RIC3: variants seen among roughly 807,000 people sequenced by gnomAD.
The protein encoded by RIC3 is protein RIC-3.
In RIC3, 28 loss-of-function variants were observed where a neutral mutation model predicts 27.3. That is an observed-to-expected ratio of 1.02 (90% CI 0.76 to 1.41). The LOEUF (loss-of-function observed/expected upper bound fraction) is 1.41. Ranked by LOEUF, RIC3 falls within the 40% of genes most tolerant of loss-of-function variation. The pLI, the probability that RIC3 is intolerant of heterozygous loss-of-function variation, is 0.00. For synonymous variants in RIC3, 184 were observed against 160.4 expected (o/e 1.15, Z -1.11); for missense variants, 501 against 444.7 (o/e 1.13, Z -1.14).
intron 1 of RIC3, among the ~76,000 whole-genome samples, chr11:8,151,051 T>C (rs927974844): frequency 3.9e-5 from 6 of 152,278 alleles, no homozygotes; most frequent in South Asian, 4.1e-4. Context: ...CAGGAAAACA[T>C]AGACATAAAT....
rs773442695 is a variant in RIC3, at chr11:8,138,264, G to A, written c.427+8C>T. On this transcript the variant is annotated splice_region_variant and intron_variant, in intron 3 of 5. Transcript: ENST00000309737. ...ATACCTGTGAATATACTGAGAAGGGGCACTTACTAATTTTCCTGTGGGTGT... is the reference window on the plus strand; with the variant it reads ...ATACCTGTGAATATACTGAGAAGGGACACTTACTAATTTTCCTGTGGGTGT... 1.3e-6 allele frequency: 2 copies of A among 1,594,836 alleles called. No individual in the cohort carries two copies. The highest frequency in any genetic ancestry group is 2.2e-5 in the East Asian group (1 of 44,758).
At chr11:8,094,687 C>T in the RIC3 span, among the ~76,000 whole-genome samples, 1 of 152,342 alleles carries the variant, frequency 6.6e-6, no homozygotes, top group South Asian at 2.1e-4. Flanking sequence ...CCCTCTGCTC[C>T]TCTTTCTCCA....
intron 1 of RIC3, among the ~76,000 whole-genome samples, chr11:8,164,781 CAAAAAAAAAAAAAAAAA>C (rs199958835): frequency 3.6e-5 from 3 of 84,232 alleles, no homozygotes; most frequent in African/African-American, 1.1e-4. Flanking sequence ...CTGTCTCTCT[CAAAAAAAAAAAAAAAAA>C]AAAAAAAAAG....
intron 4 of RIC3, among the ~76,000 whole-genome samples, chr11:8,127,799 T>C (rs1947171461): frequency 6.6e-6 from 1 of 152,224 alleles, no homozygotes; most frequent in African/African-American, 2.4e-5. Flanking sequence ...CCTGTGGAGA[T>C]GGTCGTCTAT....
chr11:8,135,254 T>G (rs568657613), intron 4 of RIC3, among the ~76,000 whole-genome samples: 67 of 152,310 alleles, frequency 4.4e-4, no homozygotes, highest in South Asian at 1.5e-3. Context: ...TTTCCCCATT[T>G]CTTGTTTTTG....
chr11:8,097,791 G>T, the RIC3 span: 1 of 1,614,044 alleles, frequency 6.2e-7, no homozygotes. Flanking sequence ...CAACAGACTT[G>T]TCTCGAGGAG....
downstream of RIC3, chr11:8,103,760 G>A (rs939884150): frequency 2.6e-5 from 4 of 152,654 alleles, no homozygotes; most frequent in Non-Finnish European, 2.9e-5. Flanking sequence ...AAACTAGATC[G>A]TCTCTAATGT....
the RIC3 span, chr11:8,097,315 G>A: frequency 3.1e-6 from 5 of 1,614,096 alleles, no homozygotes; most frequent in South Asian, 1.1e-5. Flanking sequence ...ACTGAGGCCG[G>A]CCCCCCAGGG....
intron 1 of RIC3, among the ~76,000 whole-genome samples, chr11:8,146,630 G>A (rs1949707706): frequency 6.6e-6 from 1 of 151,426 alleles, no homozygotes; most frequent in Admixed American, 6.6e-5. Context: ...ACCCAAGGCG[G>A]TTAGGGTGCA....
At chr11:8,104,875 G>GT (rs1944473377), downstream of RIC3, 1 of 151,936 alleles carries the variant, frequency 6.6e-6, no homozygotes, top group South Asian at 2.1e-4. Flanking sequence ...GAGAACTTTC[G>GT]GAGCCTGCCT....
downstream of RIC3, chr11:8,105,142 A>T (rs1944495708): frequency 6.6e-6 from 1 of 152,220 alleles, no homozygotes; most frequent in Admixed American, 6.5e-5. Context: ...TTCATCTCCT[A>T]GATGGACTTC....
intron 1 of RIC3, among the ~76,000 whole-genome samples, chr11:8,157,255 G>T (rs1306899972): frequency 6.6e-6 from 1 of 152,096 alleles, no homozygotes; most frequent in Non-Finnish European, 1.5e-5. Context: ...TGAACGATGG[G>T]GCTGCTTTAT....
the RIC3 span, among the ~76,000 whole-genome samples, chr11:8,099,605 T>C: frequency 1.1e-4 from 17 of 152,210 alleles, no homozygotes; most frequent in Non-Finnish European, 2.1e-4. Context: ...CATAAATGTA[T>C]ACCTTTATGG....
chr11:8,146,906 A>G (rs1481668422), intron 1 of RIC3, among the ~76,000 whole-genome samples: 1 of 152,216 alleles, frequency 6.6e-6, no homozygotes, highest in Non-Finnish European at 1.5e-5. Flanking sequence ...AAGCTCTCAG[A>G]TAGCAGACTT....
At chr11:8,138,197 C>T in intron 3 of RIC3, 75 bp downstream of exon 3, 1 of 1,055,248 alleles carries the variant, frequency 9.5e-7, no homozygotes, top group South Asian at 1.3e-5. Context: ...TAAGACATAC[C>T]CACAGACTGT....
rs988384942 is a variant in RIC3, at chr11:8,131,882, C to G, written c.522-5075G>C. On this transcript the variant is annotated intron_variant, in intron 4 of 5. Transcript: ENST00000309737. ...CACCACAGCACTGCAGCCTGGGTGA[C>G]AGAGAGAGACTCCATCTCAAAAAAA... 3.8e-5 allele frequency among the ~76,000 whole-genome samples: 4 copies of G among 106,520 alleles called. No individual in the cohort carries two copies. In the Admixed American group the frequency reaches 4.6e-4, roughly 12 times the overall value. The allele number at this position is 106,520 out of a possible 152,430, so 69.9% of individuals were successfully genotyped here. A position where few individuals can be genotyped will look rare whatever the true frequency, so the allele number is the denominator to read the frequency against.
At chr11:8,098,859 T>G in the RIC3 span, 1 of 1,613,844 alleles carries the variant, frequency 6.2e-7, no homozygotes, top group East Asian at 2.2e-5. Context: ...CGTCAGGAGC[T>G]GGCAGCTGTG....
chr11:8,133,993 A>T (rs1291397945), intron 4 of RIC3, among the ~76,000 whole-genome samples: 4 of 149,676 alleles, frequency 2.7e-5, no homozygotes, highest in South Asian at 2.1e-4. Flanking sequence ...TTTTTTTTTT[A>T]ATATATATAT....
At position 8,153,503 on chromosome 11, in the gene RIC3, T is replaced by G. The variant is rs143112081; in HGVS notation, c.125-13310A>C. The G allele has an allele frequency of 4.8e-4, 203 of 424,258 alleles. No individual in the cohort carries two copies. In the East Asian group the frequency reaches 0.01, roughly 21 times the overall value. 26.3% of individuals were successfully genotyped at this position (424,258 alleles called of 1,614,324 possible). On this transcript the variant is annotated intron_variant, in intron 1 of 5. Transcript: ENST00000309737. ...AATCTGAATAAATCCTTGTCAAATT[T>G]TCCTGCCTTAATCTCTATGGCACAT...
Sources: allele counts gnomAD v4.1 joint callset (sites outside exome capture counted in the v4.1 genomes callset), GRCh38; gene constraint gnomAD v4.1.1; transcripts MANE v1.5; gene names NCBI Gene and HGNC (gene_info 2026-07-23, HGNC 2026-07-21).